DCTN6: variants seen among roughly 807,000 people sequenced by gnomAD.
The protein encoded by DCTN6 is dynactin 6.
In DCTN6, 15 loss-of-function variants were observed where a neutral mutation model predicts 25.8. That is an observed-to-expected ratio of 0.58 (90% confidence interval 0.39 to 0.89). DCTN6 has a LOEUF of 0.89. DCTN6 is among the 40% of genes least tolerant of loss of function. DCTN6 has a pLI of 0.00. For missense variants in DCTN6, 198 were observed against 237.6 expected, an observed-to-expected ratio of 0.83 and a Z score of 1.09; for synonymous variants, 64 against 78.3, an observed-to-expected ratio of 0.82 and a Z score of 0.96.
At chr8:30,175,226 T>C (rs750360819) in intron 3 of DCTN6, 36 bp downstream of exon 3, 16 of 1,568,726 alleles carry the variant, frequency 1.0e-5, no homozygotes, top group Non-Finnish European at 1.3e-5. Context: ...CCAAGTACCA[T>C]GGGTAACGGT....
rs185393111 is a variant in DCTN6 at position 30,175,815 on chromosome 8, C to T, written c.194+625C>T. On this transcript the variant is annotated intron_variant, in intron 3 of 6. Transcript: ENST00000221114. ...TTTTGGGAAGGAATTCAAGCTTATA[C>T]CTAATTTATAGCAACCATGTATGGA... 8.5e-3 allele frequency among the ~76,000 whole-genome samples: 1,300 copies of T among 152,168 alleles called. 5 individuals are homozygous for T. Among genetic ancestry groups the T allele is most frequent in the Non-Finnish European group, 0.013 (866 of 67,998 alleles).
intron 1 of DCTN6, among the ~76,000 whole-genome samples, chr8:30,159,165 C>A (rs1347677826): frequency 1.3e-5 from 2 of 152,156 alleles, no homozygotes; most frequent in Non-Finnish European, 2.9e-5. Context: ...AAGTCAGAGC[C>A]TAACAAAATG....
chr8:30,163,984 G>C (rs1170179175), intron 1 of DCTN6, 127 bp from the exon 2 acceptor site: 1 of 781,150 alleles, frequency 1.3e-6, no homozygotes, highest in Non-Finnish European at 2.2e-6. Flanking sequence ...TTACAGGCGT[G>C]AGCCACTGCG....
chr8:30,156,699 T>G (rs1365899828), intron 1 of DCTN6, among the ~76,000 whole-genome samples: 1 of 151,880 alleles, frequency 6.6e-6, no homozygotes, highest in Non-Finnish European at 1.5e-5. Flanking sequence ...GGGGGGGCTG[T>G]GAGGGGAGGG....
At chr8:30,166,262 T>C (rs1487302598) in intron 2 of DCTN6, among the ~76,000 whole-genome samples, 1 of 149,302 alleles carries the variant, frequency 6.7e-6, no homozygotes. Flanking sequence ...TTTTCTTTTC[T>C]TTTTTTTTTA....
chr8:30,158,855 C>T (rs1803561533), intron 1 of DCTN6, among the ~76,000 whole-genome samples: 1 of 148,896 alleles, frequency 6.7e-6, no homozygotes, highest in Non-Finnish European at 1.5e-5. Context: ...AATCTCTGCT[C>T]ACTGCAACCT....
chr8:30,158,685 T>A (rs1379078669), intron 1 of DCTN6, among the ~76,000 whole-genome samples: 1 of 149,806 alleles, frequency 6.7e-6, no homozygotes, highest in Non-Finnish European at 1.5e-5. Flanking sequence ...TATTTTCTGT[T>A]ATTTCAGTAG....
Position 30,175,088 on chromosome 8 carries a change from C to T in DCTN6, c.92C>T (p.Pro31Leu). ...SEIRGDVTIG[P>L]RTVIHPKARI... is the part of the protein sequence containing the mutation. ...CTTCTCAAACTATTTTTAACAGGAC[C>T]TCGGACAGTGATCCACCCTAAAGCA... Residue 31 changes from proline to leucine, a missense_variant, in exon 3 of 7, where the codon CCT becomes CTT. Physicochemically the swap from Pro to Leu is moderately conservative, Grantham distance 98 (BLOSUM62 -3). Transcript: ENST00000221114. The T allele has an allele frequency of 6.2e-7, 1 of 1,613,972 alleles. No individual in the cohort carries two copies. The highest frequency in any genetic ancestry group is 1.1e-5 in the South Asian group (1 of 91,068).
chr8:30,161,700 A>C (rs1803597927), intron 1 of DCTN6, among the ~76,000 whole-genome samples: 1 of 151,782 alleles, frequency 6.6e-6, no homozygotes, highest in African/African-American at 2.4e-5. Flanking sequence ...GCTTAGATGT[A>C]TGCATATGGT....
intron 3 of DCTN6, among the ~76,000 whole-genome samples, chr8:30,176,387 C>T (rs1443064867): frequency 5.3e-5 from 8 of 152,058 alleles, no homozygotes; most frequent in African/African-American, 1.9e-4. Flanking sequence ...AAAAAATTAG[C>T]CGGGCGTGGT....
intron 1 of DCTN6, among the ~76,000 whole-genome samples, chr8:30,158,630 A>G (rs1803556436): frequency 6.6e-6 from 1 of 151,020 alleles, no homozygotes; most frequent in African/African-American, 2.4e-5. Flanking sequence ...ATTTTCTTCT[A>G]ATCTTACTAA....
rs1803934380 is a variant in DCTN6 at position 30,183,236 on chromosome 8, A to G, written c.*63A>G. The G allele has an allele frequency of 5.2e-6, 7 of 1,333,636 alleles. No homozygotes were observed. The Admixed American group carries it at 8.6e-5, about 16-fold the overall frequency. The allele number at this position is 1,333,636 out of a possible 1,614,324, so 82.6% of individuals were successfully genotyped here. On this transcript the variant is annotated 3_prime_UTR_variant, in exon 7 of 7. Coordinates refer to ENST00000221114, the MANE Select transcript of DCTN6 (RefSeq NM_006571.4). The stretch of plus-strand genomic sequence containing the variant: ...ACCACTGTCTTTTGAATGGGCCCAC[A>G]GTGTTTATGTACTCTTAACAACTCA...
At chr8:30,168,932 G>T (rs976975853) in intron 2 of DCTN6, among the ~76,000 whole-genome samples, 2 of 152,184 alleles carry the variant, frequency 1.3e-5, no homozygotes, top group African/African-American at 4.8e-5. Flanking sequence ...CATGGCCCAT[G>T]AATTATTTCC....
At chr8:30,159,567 C>T (rs1327094476) in intron 1 of DCTN6, among the ~76,000 whole-genome samples, 1 of 152,042 alleles carries the variant, frequency 6.6e-6, no homozygotes, top group African/African-American at 2.4e-5. Flanking sequence ...TATTTTCAGT[C>T]GCTTATTGGA....
At chr8:30,171,056 T>G (rs775676496) in intron 2 of DCTN6, among the ~76,000 whole-genome samples, 1 of 152,186 alleles carries the variant, frequency 6.6e-6, no homozygotes, top group Non-Finnish European at 1.5e-5. Flanking sequence ...TACTTAGTCA[T>G]TTTTGAAAGG....
At chr8:30,179,710 A>G (rs1482279435) in intron 5 of DCTN6, among the ~76,000 whole-genome samples, 1 of 152,264 alleles carries the variant, frequency 6.6e-6, no homozygotes, top group Non-Finnish European at 1.5e-5. Flanking sequence ...AAAGATTTGG[A>G]AAAGATTTCT....
intron 2 of DCTN6, among the ~76,000 whole-genome samples, chr8:30,169,724 G>A (rs545980660): frequency 1.3e-5 from 2 of 152,330 alleles, no homozygotes; most frequent in Admixed American, 6.5e-5. Flanking sequence ...CATCAGAAAA[G>A]CATGAAGTGA....
chr8:30,164,061 C>A, intron 1 of DCTN6, 50 bp from the exon 2 acceptor site: 1 of 1,471,638 alleles, frequency 6.8e-7, no homozygotes, highest in Non-Finnish European at 9.5e-7. Flanking sequence ...GCTCCTCCAA[C>A]AGTATGTTTA....
intron 2 of DCTN6, among the ~76,000 whole-genome samples, chr8:30,171,451 G>T (rs1051813771): frequency 2.0e-5 from 3 of 152,040 alleles, no homozygotes; most frequent in African/African-American, 4.8e-5. Context: ...AGAGAAGGGG[G>T]TCTGACTCAT....
Sources: allele counts gnomAD v4.1 joint callset (sites outside exome capture counted in the v4.1 genomes callset), GRCh38; gene constraint gnomAD v4.1.1; transcripts MANE v1.5; gene names NCBI Gene and HGNC (gene_info 2026-07-23, HGNC 2026-07-21).